The following SORCS2 variants were observed in gnomAD, a reference collection of about 807,000 sequenced individuals.
SORCS2 encodes VPS10 domain-containing receptor SorCS2.
In SORCS2, 100 loss-of-function variants were observed where a neutral mutation model predicts 141.6. That is an observed-to-expected ratio of 0.71 (90% confidence interval 0.60 to 0.83). The LOEUF is 0.83. Among genes scored for constraint, SORCS2 ranks in the 40% least tolerant of loss-of-function variants. The pLI is 0.00. For missense variants in SORCS2, 1,646 were observed against 1,560.2 expected (o/e 1.05, Z -0.93); for synonymous variants, 789 against 676.9 (o/e 1.17, Z -2.57).
intron 1 of SORCS2, among the ~76,000 whole-genome samples, chr4:7,395,620 A>G (rs1056049675): frequency 4.0e-5 from 6 of 150,022 alleles, no homozygotes; most frequent in African/African-American, 1.5e-4. Context: ...AAATAGTTGC[A>G]TTTTCTGCAC....
intron 1 of SORCS2, among the ~76,000 whole-genome samples, chr4:7,348,851 C>A (rs1341065808): frequency 6.6e-6 from 1 of 152,192 alleles, no homozygotes; most frequent in Admixed American, 6.5e-5. Context: ...CTGCACCAGG[C>A]CGAATCTTGT....
intron 1 of SORCS2, among the ~76,000 whole-genome samples, chr4:7,259,590 T>C (rs754817402): frequency 6.6e-5 from 10 of 152,094 alleles, no homozygotes; most frequent in Non-Finnish European, 1.0e-4. Flanking sequence ...CTCTTGCTCC[T>C]CATGCCCTGT....
chr4:7,509,768 C>T (rs948179975), intron 2 of SORCS2, among the ~76,000 whole-genome samples: 27 of 152,294 alleles, frequency 1.8e-4, no homozygotes, highest in Middle Eastern at 6.8e-3. Context: ...CAGCCTCCAC[C>T]GCCCACCGGG....
chr4:7,231,070 A>G (rs1413107064), intron 1 of SORCS2, among the ~76,000 whole-genome samples: 2 of 152,240 alleles, frequency 1.3e-5, no homozygotes, highest in African/African-American at 4.8e-5. Flanking sequence ...ATATATTTTC[A>G]TATCTATGAC....
chr4:7,434,523 C>A lies in SORCS2; in HGVS notation c.548+38168C>A, dbSNP rs535377051. 1.9e-6 allele frequency: 3 copies of A among 1,613,052 alleles called. No homozygotes were observed. In the South Asian group the frequency reaches 3.3e-5, roughly 18 times the overall value. On this transcript the variant is annotated intron_variant, in intron 2 of 26. Transcript: ENST00000507866. ...TGTCCGGGGCCCCACGGAGCATGCT[C>A]AGGATGGCCGAACTGTGGGCATCCA...
At chr4:7,534,507 A>G (rs1711949437) in intron 3 of SORCS2, among the ~76,000 whole-genome samples, 5 of 152,252 alleles carry the variant, frequency 3.3e-5, no homozygotes, top group Admixed American at 3.3e-4. Context: ...TGTCACCTCT[A>G]TGGCAAAAGG....
intron 2 of SORCS2, among the ~76,000 whole-genome samples, chr4:7,454,062 AGCTGTGTGTTGGGGTCAGGT>A (rs1728685900): frequency 9.8e-5 from 4 of 40,998 alleles, no homozygotes; most frequent in Admixed American, 3.0e-4. Context: ...TGGGGTCAGG[AGCTGTGTGTTGGGGTCAGGT>A]GCTGTGTGTT....
intron 1 of SORCS2, among the ~76,000 whole-genome samples, chr4:7,390,834 T>C (rs1723811545): frequency 6.6e-6 from 1 of 152,244 alleles, no homozygotes. Context: ...AGGTTTGGAA[T>C]TGAACAGATT....
rs573716357 is a variant in SORCS2, at chr4:7,583,626, T to C, written c.648+51997T>C. ...TAAGTCTCACAAGATCTGATGGTTT[T>C]ATGAGTGGAAACCCCTCTCACTTGG... On this transcript the variant is annotated intron_variant, in intron 3 of 26. Coordinates refer to ENST00000507866, the MANE Select transcript of SORCS2 (RefSeq NM_020777.3). Among the ~76,000 whole-genome samples, 28 of 152,362 alleles carry C rather than the reference T, an allele frequency of 1.8e-4. No homozygotes were observed. The South Asian group carries it at 5.4e-3, about 29-fold the overall frequency.
rs530956906 is a variant in SORCS2, at chr4:7,202,499, G to A, written c.480+9373G>A. Among the ~76,000 whole-genome samples, 10 of 152,286 alleles carry A rather than the reference G, an allele frequency of 6.6e-5. No individual in the cohort carries two copies. The South Asian group carries it at 1.0e-3, about 16-fold the overall frequency. ...AATTAGTTTCTTCTCACACCAGCTC[G>A]AAGATCTTAAAATAACAGCACTCTC... On this transcript the variant is annotated intron_variant, in intron 1 of 26. Coordinates refer to ENST00000507866, the MANE Select transcript of SORCS2 (RefSeq NM_020777.3).
chr4:7,374,685 C>T (rs1359631734), intron 1 of SORCS2, among the ~76,000 whole-genome samples: 1 of 152,116 alleles, frequency 6.6e-6, no homozygotes, highest in Non-Finnish European at 1.5e-5. Flanking sequence ...GCTGAACAGC[C>T]CACACATTTG....
At chr4:7,394,456 G>A (rs1724072700) in intron 1 of SORCS2, among the ~76,000 whole-genome samples, 1 of 150,596 alleles carries the variant, frequency 6.6e-6, no homozygotes, top group South Asian at 2.1e-4. Flanking sequence ...GGGCCTTCCT[G>A]GGGGTGGTGT....
At chr4:7,564,087 A>C (rs4540045) in intron 3 of SORCS2, among the ~76,000 whole-genome samples, 8 of 152,214 alleles carry the variant, frequency 5.3e-5, no homozygotes, top group Non-Finnish European at 7.3e-5. Context: ...CCAGGAAGAC[A>C]TTTCTAATGG....
intron 1 of SORCS2, among the ~76,000 whole-genome samples, chr4:7,328,958 T>C (rs1431608802): frequency 6.6e-6 from 1 of 152,146 alleles, no homozygotes; most frequent in Non-Finnish European, 1.5e-5. Flanking sequence ...CGCAGACCGC[T>C]CTTGGCTGAC....
At chr4:7,631,231 G>A (rs1341656915) in intron 3 of SORCS2, among the ~76,000 whole-genome samples, 4 of 151,538 alleles carry the variant, frequency 2.6e-5, no homozygotes, top group Non-Finnish European at 1.5e-5. Flanking sequence ...AAGAGTCACC[G>A]CTGGCTCCTG....
Position 7,339,490 on chromosome 4 carries a change from T to G in SORCS2, c.481-56798T>G, listed in dbSNP as rs189342416. 3.5e-3 allele frequency among the ~76,000 whole-genome samples: 531 copies of G among 152,328 alleles called. 2 individuals are homozygous for G. Among genetic ancestry groups the G allele is most frequent in the South Asian group, 0.028 (135 of 4,812 alleles). On this transcript the variant is annotated intron_variant, in intron 1 of 26. Coordinates refer to ENST00000507866, the MANE Select transcript of SORCS2 (RefSeq NM_020777.3). ...CTGGGTGGGGGCAACTGTCCCAGGC[T>G]GCTCTGCAACTTCTGGGGGCTGCTG...
chr4:7,354,006 TGCACCACCTTTACCC>T (rs1406044783), intron 1 of SORCS2, among the ~76,000 whole-genome samples: 1 of 152,224 alleles, frequency 6.6e-6, no homozygotes, highest in African/African-American at 2.4e-5. Flanking sequence ...CCCCATTACC[TGCACCACCTTTACCC>T]GCACCACTTC....
intron 11 of SORCS2, among the ~76,000 whole-genome samples, chr4:7,694,957 C>G (rs1724505170): frequency 6.6e-6 from 1 of 151,888 alleles, no homozygotes; most frequent in Admixed American, 6.5e-5. Context: ...CCTTGAGGCT[C>G]TCCTCACAGG....
chr4:7,651,155 C>T (rs571850388), intron 4 of SORCS2, among the ~76,000 whole-genome samples: 1 of 152,284 alleles, frequency 6.6e-6, no homozygotes, highest in Admixed American at 6.5e-5. Flanking sequence ...GAGCCAGAGT[C>T]AGAGGAGAGG....
Sources: allele counts gnomAD v4.1 joint callset (sites outside exome capture counted in the v4.1 genomes callset), GRCh38; gene constraint gnomAD v4.1.1; transcripts MANE v1.5; gene names NCBI Gene and HGNC (gene_info 2026-07-23, HGNC 2026-07-21).